The following BLTP3B variants were observed in gnomAD, a reference collection of about 807,000 sequenced individuals.
BLTP3B encodes bridge-like lipid transfer protein family member 3B.
the BLTP3B span, among the ~76,000 whole-genome samples, chr12:100,140,736 A>G: frequency 8.7e-6 from 1 of 114,412 alleles, no homozygotes; most frequent in Admixed American, 9.0e-5. Context: ...AAAAATATAT[A>G]TATATATATA....
the BLTP3B span, chr12:100,058,933 T>A: frequency 1.2e-6 from 2 of 1,614,010 alleles, no homozygotes; most frequent in Non-Finnish European, 1.7e-6. Flanking sequence ...TGACCACCAT[T>A]TGTCAAAGGC....
the BLTP3B span, chr12:100,058,156 CA>C: frequency 9.9e-6 from 16 of 1,613,286 alleles, no homozygotes; most frequent in Non-Finnish European, 1.3e-5. Context: ...TCTATGGTTT[CA>C]TTTCCTTTAC....
chr12:100,080,739 G>C, the BLTP3B span, among the ~76,000 whole-genome samples: 1 of 149,428 alleles, frequency 6.7e-6, no homozygotes, highest in Non-Finnish European at 1.5e-5. Context: ...CTGAGTTAAT[G>C]GTGAAATGAG....
the BLTP3B span, among the ~76,000 whole-genome samples, chr12:100,138,769 T>C: frequency 2.0e-5 from 3 of 152,228 alleles, no homozygotes; most frequent in Non-Finnish European, 4.4e-5. Flanking sequence ...AAAACTTCCC[T>C]ACCCCTTTTC....
chr12:100,052,825 GCT>G, the BLTP3B span, among the ~76,000 whole-genome samples: 1 of 124,662 alleles, frequency 8.0e-6, no homozygotes, highest in Non-Finnish European at 1.6e-5. Context: ...ACAGAGTCTC[GCT>G]CTGTCACCCA....
the BLTP3B span, among the ~76,000 whole-genome samples, chr12:100,042,925 G>T: frequency 6.6e-6 from 1 of 152,070 alleles, no homozygotes. Context: ...TCAGCCTCCA[G>T]GGTAGCTCGG....
At chr12:100,078,430 G>C in the BLTP3B span, among the ~76,000 whole-genome samples, 1,965 of 152,134 alleles carry the variant, frequency 0.013, 24 homozygotes, top group Middle Eastern at 0.037. Flanking sequence ...CCAGTCTCAG[G>C]TACTTCTTTA....
chr12:100,092,969 T>C, the BLTP3B span: 3 of 985,352 alleles, frequency 3.0e-6, no homozygotes. Context: ...CCAACTGTCA[T>C]TCTAAAGTTC....
At chr12:100,115,305 C>T in the BLTP3B span, among the ~76,000 whole-genome samples, 2 of 152,190 alleles carry the variant, frequency 1.3e-5, no homozygotes, top group East Asian at 1.9e-4. Context: ...ACTTGGGAGG[C>T]TGAGGCAGAA....
the BLTP3B span, among the ~76,000 whole-genome samples, chr12:100,062,238 G>A: frequency 6.6e-6 from 1 of 152,326 alleles, no homozygotes; most frequent in South Asian, 2.1e-4. Context: ...CCTAACAAAT[G>A]AATATACTTA....
chr12:100,064,676 T>C, the BLTP3B span, among the ~76,000 whole-genome samples: 1 of 152,076 alleles, frequency 6.6e-6, no homozygotes, highest in African/African-American at 2.4e-5. Flanking sequence ...GAATTCTTTA[T>C]CTAGTGAAAC....
the BLTP3B span, among the ~76,000 whole-genome samples, chr12:100,124,966 A>ATATATATATT: frequency 1.0e-5 from 1 of 97,688 alleles, no homozygotes; most frequent in African/African-American, 3.8e-5. Context: ...ATATATATAT[A>ATATATATATT]TATATATATA....
At chr12:100,109,465 C>T in the BLTP3B span, among the ~76,000 whole-genome samples, 3 of 151,986 alleles carry the variant, frequency 2.0e-5, no homozygotes, top group African/African-American at 4.8e-5. Flanking sequence ...GTCTGTAACA[C>T]AAAGAAATGA....
At chr12:100,057,879 GT>G in the BLTP3B span, 14,785 of 1,283,534 alleles carry the variant, frequency 0.012, 1,318 homozygotes, top group African/African-American at 0.19. Flanking sequence ...AGCTCAAAGT[GT>G]TTTCATATTT....
chr12:100,052,686 T>C, the BLTP3B span, among the ~76,000 whole-genome samples: 3 of 151,828 alleles, frequency 2.0e-5, no homozygotes, highest in African/African-American at 7.3e-5. Context: ...TTGTCAGTAA[T>C]GTTAAGGATT....
At chr12:100,087,452 A>C in the BLTP3B span, among the ~76,000 whole-genome samples, 1 of 152,210 alleles carries the variant, frequency 6.6e-6, no homozygotes, top group Admixed American at 6.5e-5. Flanking sequence ...TTGGAAAGCC[A>C]AATGTTTCAG....
At chr12:100,052,790 G>GGTT in the BLTP3B span, among the ~76,000 whole-genome samples, 17 of 114,320 alleles carry the variant, frequency 1.5e-4, no homozygotes, top group African/African-American at 5.7e-4. Flanking sequence ...TTTCTTTTCT[G>GGTT]TTTTTTTTTT....
At chr12:100,089,787 T>G in the BLTP3B span, among the ~76,000 whole-genome samples, 1 of 152,166 alleles carries the variant, frequency 6.6e-6, no homozygotes. Flanking sequence ...ATATCTGATA[T>G]GGTTTGGCCC....
the BLTP3B span, chr12:100,098,563 A>G: frequency 6.3e-7 from 1 of 1,588,490 alleles, no homozygotes; most frequent in South Asian, 1.1e-5. Context: ...AAGCAAAACA[A>G]AATACACTAA....
Sources: allele counts gnomAD v4.1 joint callset (sites outside exome capture counted in the v4.1 genomes callset), GRCh38; gene constraint gnomAD v4.1.1; transcripts MANE v1.5; gene names NCBI Gene and HGNC (gene_info 2026-07-23, HGNC 2026-07-21).